TRAPPC13: variants seen among roughly 807,000 people sequenced by gnomAD.
TRAPPC13 encodes the protein trafficking protein particle complex subunit 13, also known as REV7-interacting novel NHEJ regulator 1.
TRAPPC13 carries 39 observed loss-of-function variants against 54.0 expected under a neutral mutation model. That is an observed-to-expected ratio of 0.72 (90% CI 0.56 to 0.94). TRAPPC13 has a LOEUF of 0.94. Ranked by LOEUF, TRAPPC13 falls within the 40% of genes least tolerant of loss-of-function variation. TRAPPC13 has a pLI of 0.00. For synonymous variants in TRAPPC13, 148 were observed against 167.7 expected (o/e 0.88, Z 0.91); for missense variants, 386 against 488.1 (o/e 0.79, Z 1.97).
intron 5 of TRAPPC13, among the ~76,000 whole-genome samples, chr5:65,649,339 C>T (rs938954623): frequency 1.3e-5 from 2 of 152,092 alleles, no homozygotes; most frequent in Non-Finnish European, 1.5e-5. Flanking sequence ...GAGATGAACA[C>T]CTTAATGTTT....
At chr5:65,649,812 C>A (rs1187762280) in intron 5 of TRAPPC13, among the ~76,000 whole-genome samples, 1 of 150,754 alleles carries the variant, frequency 6.6e-6, no homozygotes, top group Non-Finnish European at 1.5e-5. Context: ...AAATTTTTTA[C>A]ATAACAGTAT....
At chr5:65,659,790 C>T (rs1756780489) in intron 9 of TRAPPC13, among the ~76,000 whole-genome samples, 1 of 151,878 alleles carries the variant, frequency 6.6e-6, no homozygotes, top group Admixed American at 6.6e-5. Flanking sequence ...TCTAGACCAA[C>T]CTGGGCAACT....
intron 1 of TRAPPC13, 127 bp downstream of exon 1, chr5:65,625,233 C>T: frequency 1.2e-6 from 1 of 828,526 alleles, no homozygotes; most frequent in Non-Finnish European, 2.0e-6. Flanking sequence ...TGTCCTTTGC[C>T]GCCAAGCGGG....
intron 3 of TRAPPC13, among the ~76,000 whole-genome samples, chr5:65,636,363 A>G (rs754422979): frequency 1.3e-4 from 20 of 152,046 alleles, no homozygotes; most frequent in South Asian, 8.3e-4. Flanking sequence ...GCTGACCTTG[A>G]ACTCCTGACA....
At chr5:65,645,891 C>T (rs1756186502) in intron 4 of TRAPPC13, among the ~76,000 whole-genome samples, 1 of 152,066 alleles carries the variant, frequency 6.6e-6, no homozygotes, top group Non-Finnish European at 1.5e-5. Context: ...TCCACTAATT[C>T]CCATGACCTA....
At chr5:65,638,692 C>T (rs2150670846) in intron 4 of TRAPPC13, among the ~76,000 whole-genome samples, 1 of 152,238 alleles carries the variant, frequency 6.6e-6, no homozygotes, top group South Asian at 2.1e-4. Flanking sequence ...TAGCTGGGGA[C>T]AATCATGGCG....
At chr5:65,638,831 C>T (rs1236454667) in intron 4 of TRAPPC13, among the ~76,000 whole-genome samples, 1 of 152,170 alleles carries the variant, frequency 6.6e-6, no homozygotes, top group Non-Finnish European at 1.5e-5. Context: ...TGCCTGTAAT[C>T]CTAGCACTTT....
Position 65,656,460 on chromosome 5 carries a change from AT to A in TRAPPC13, c.564+814del, listed in dbSNP as rs201382205. On this transcript the variant is annotated intron_variant, in intron 8 of 12. Coordinates refer to ENST00000399438, the MANE Select transcript of TRAPPC13 (RefSeq NM_024941.4). ...ACCAAAAAATGCCATTAAATGATGCATTTTTTTAAACTGATAAATCATTTTA... is the reference window on the plus strand; with the variant it reads ...ACCAAAAAATGCCATTAAATGATGCATTTTTTAAACTGATAAATCATTTTA... Among the ~76,000 whole-genome samples the A allele has an allele frequency of 3.0e-3, 463 of 152,194 alleles. 5 individuals carry two copies. Among genetic ancestry groups the A allele is most frequent in the African/African-American group, 0.011 (446 of 41,526 alleles).
At chr5:65,638,461 G>T (rs1359290210) in intron 4 of TRAPPC13, among the ~76,000 whole-genome samples, 2 of 152,138 alleles carry the variant, frequency 1.3e-5, no homozygotes, top group South Asian at 4.1e-4. Flanking sequence ...AGAATGGGAG[G>T]ATACAGATAA....
At position 65,637,700 on chromosome 5, in the gene TRAPPC13, A is replaced by G. The variant is rs758676113; in HGVS notation, c.220A>G (p.Ile74Val). 1.3e-6 allele frequency: 2 copies of G among 1,536,082 alleles called. 1 individual carries two copies. Among genetic ancestry groups the G allele is most frequent in the South Asian group, 2.4e-5 (2 of 84,308 alleles). ...MLTLPQNFGNIFLGETFSSYI... is the reference protein window; with the variant it reads ...MLTLPQNFGNVFLGETFSSYI... ...AATACTTATTTTATTTTACAGGAATATATTTTTGGGAGAGACCTTTTCCAG... is the reference window on the plus strand; with the variant it reads ...AATACTTATTTTATTTTACAGGAATGTATTTTTGGGAGAGACCTTTTCCAG... The change falls in exon 4 of 13, where the codon ATA (isoleucine) becomes GTA (valine). Residue 74 changes from isoleucine (I) to valine (V), a missense_variant. Coordinates refer to ENST00000399438, the MANE Select transcript of TRAPPC13 (RefSeq NM_024941.4).
At chr5:65,651,352 G>A (rs941975915) in intron 6 of TRAPPC13, among the ~76,000 whole-genome samples, 8 of 152,152 alleles carry the variant, frequency 5.3e-5, no homozygotes, top group African/African-American at 1.9e-4. Flanking sequence ...CTGCACTCCA[G>A]CTTGGTCAAC....
At chr5:65,637,821 C>A in intron 4 of TRAPPC13, 41 bp downstream of exon 4, 1 of 1,308,600 alleles carries the variant, frequency 7.6e-7, no homozygotes, top group African/African-American at 1.5e-5. Flanking sequence ...TAGTCTTTAA[C>A]AAAGGTTTTT....
intron 11 of TRAPPC13, chr5:65,663,234 TAAC>T (rs1215310059): frequency 6.6e-6 from 1 of 152,176 alleles, no homozygotes; most frequent in African/African-American, 2.4e-5. Context: ...GTGTTCACTT[TAAC>T]TTTTGGTGAT....
intron 11 of TRAPPC13, chr5:65,662,539 A>T (rs1007226541): frequency 6.5e-6 from 1 of 153,478 alleles, no homozygotes; most frequent in Non-Finnish European, 1.5e-5. Flanking sequence ...AACATTGCTT[A>T]TGGATTTAAT....
At chr5:65,654,604 A>G (rs1756581533) in intron 7 of TRAPPC13, among the ~76,000 whole-genome samples, 1 of 152,196 alleles carries the variant, frequency 6.6e-6, no homozygotes, top group South Asian at 2.1e-4. Context: ...AATAAACCAC[A>G]GTAATATCAG....
At chr5:65,636,798 C>G (rs575297589) in intron 3 of TRAPPC13, among the ~76,000 whole-genome samples, 1 of 152,154 alleles carries the variant, frequency 6.6e-6, no homozygotes, top group Non-Finnish European at 1.5e-5. Flanking sequence ...GCCCCTGGTT[C>G]CACTCTGTTT....
chr5:65,650,960 G>T, intron 6 of TRAPPC13, 78 bp downstream of exon 6: 2 of 1,069,154 alleles, frequency 1.9e-6, no homozygotes, highest in Non-Finnish European at 2.8e-6. Context: ...CCGTTTATCT[G>T]CAGGGAAAAC....
In TRAPPC13 at chr5:65,665,814, G is replaced by C. The variant is rs918446749; in HGVS notation, c.*1203G>C. The stretch of plus-strand genomic sequence containing the variant: ...TAACAAAAAGTTTCAGTATTTGTCA[G>C]GAAAACAAAAGCTTAGGCTGTTAAA... On this transcript the variant is annotated 3_prime_UTR_variant, in exon 13 of 13. Transcript: ENST00000399438. 4.6e-5 allele frequency: 7 copies of C among 152,524 alleles called. No individual in the cohort carries two copies. Among genetic ancestry groups the C allele is most frequent in the African/African-American group, 1.7e-4 (7 of 41,528 alleles). The allele number at this position is 152,524 out of a possible 1,614,324, so 9.4% of individuals were successfully genotyped here.
chr5:65,664,026 A>G, intron 11 of TRAPPC13: 1 of 516,084 alleles, frequency 1.9e-6, no homozygotes, highest in Non-Finnish European at 3.4e-6. Context: ...GATTAGTCTG[A>G]GGCTATTTTA....
Sources: gnomAD v4.1 joint callset for allele counts (sites outside exome capture counted in the v4.1 genomes callset) on GRCh38, gnomAD v4.1.1 for gene constraint, MANE v1.5 for transcripts, NCBI Gene and HGNC (gene_info 2026-07-23, HGNC 2026-07-21) for gene names.